ADGRA3: variants seen among roughly 807,000 people sequenced by gnomAD.
ADGRA3 encodes adhesion G protein-coupled receptor A3.
Under a neutral mutation model 119.8 loss-of-function variants are expected in ADGRA3, and 56 were observed. That is an observed-to-expected ratio of 0.47 (90% CI 0.38 to 0.58). ADGRA3 has a LOEUF of 0.58. Ranked by LOEUF, ADGRA3 falls within the 20% of genes least tolerant of loss-of-function variation. The probability of loss-of-function intolerance (pLI) is 0.00; values close to 1 mark genes in which losing one functional copy is unlikely to be tolerated. For missense variants in ADGRA3, 1,516 were observed against 1,649.0 expected, an observed-to-expected ratio of 0.92 and a Z score of 1.40; for synonymous variants, 607 against 623.8, an observed-to-expected ratio of 0.97 and a Z score of 0.40.
At chr4:22,479,490 G>A (rs1326700875) in intron 1 of ADGRA3, among the ~76,000 whole-genome samples, 2 of 151,570 alleles carry the variant, frequency 1.3e-5, no homozygotes, top group Non-Finnish European at 2.9e-5. Context: ...AAGAAGTCAG[G>A]AAACAACAGA....
chr4:22,484,677 T>C (rs1004920015), intron 1 of ADGRA3, among the ~76,000 whole-genome samples: 1 of 151,314 alleles, frequency 6.6e-6, no homozygotes, highest in East Asian at 1.9e-4. Flanking sequence ...GGTTAAGTGA[T>C]TCAGCATGAG....
At chr4:22,501,574 G>A (rs1281599432) in intron 1 of ADGRA3, among the ~76,000 whole-genome samples, 1 of 152,178 alleles carries the variant, frequency 6.6e-6, no homozygotes, top group Non-Finnish European at 1.5e-5. Context: ...GAGGGAGCCT[G>A]TTATTCATTG....
In ADGRA3 at chr4:22,461,751, T is replaced by C; in HGVS notation, c.387A>G (p.Ser129=). ...CAAACACTTACAATCTTTTTAGAGA[T>C]GACAGTCCCCAGAAGGCACCTGGAT... ...SIDPGAFWGL[S]SLKRLDLTNN... is the part of the protein sequence containing the mutation. Residue 129 remains serine (S), a synonymous_variant, in exon 3 of 19, where the codon TCA becomes TCG. Coordinates refer to ENST00000334304, the MANE Select transcript of ADGRA3 (RefSeq NM_145290.4). 1 of 1,605,662 alleles carries C rather than the reference T, an allele frequency of 6.2e-7. No homozygotes were observed. The highest frequency in any genetic ancestry group is 1.3e-5 in the African/African-American group (1 of 74,794).
intron 1 of ADGRA3, among the ~76,000 whole-genome samples, chr4:22,494,260 C>A (rs765438240): frequency 6.6e-6 from 1 of 151,632 alleles, no homozygotes; most frequent in Non-Finnish European, 1.5e-5. Flanking sequence ...TACACTCCCA[C>A]CAGCGCCATG....
At chr4:22,500,420 T>C (rs948362163) in intron 1 of ADGRA3, among the ~76,000 whole-genome samples, 5 of 152,046 alleles carry the variant, frequency 3.3e-5, no homozygotes, top group Admixed American at 3.3e-4. Context: ...GGGGAGCATT[T>C]GGCACAGCAC....
intron 8 of ADGRA3, among the ~76,000 whole-genome samples, chr4:22,437,152 A>C (rs1022337354): frequency 6.6e-6 from 1 of 152,224 alleles, no homozygotes. Context: ...TGAATGTAAC[A>C]AAATTACCAA....
chr4:22,483,812 G>A (rs1043714796), intron 1 of ADGRA3, among the ~76,000 whole-genome samples: 32 of 152,140 alleles, frequency 2.1e-4, no homozygotes, highest in African/African-American at 7.2e-4. Flanking sequence ...TGCTACGACA[G>A]TCAGCATAAT....
rs1183905881 is a variant in ADGRA3 at position 22,388,336 on chromosome 4, C to G, written c.3335G>C (p.Gly1112Ala). 6 of 1,613,936 alleles carry G rather than the reference C, an allele frequency of 3.7e-6. No individual in the cohort carries two copies. Among genetic ancestry groups the G allele is most frequent in the African/African-American group, 1.3e-5 (1 of 74,890 alleles). ...SASSFKNSSQ[G>A]CKLTNLQAAA... ...CGCCTGCAAGTTTGTTAATTTGCAG[C>G]CCTGGGAGGAATTTTTGAAGCTTGA... The change falls in exon 19 of 19, where the codon GGC becomes GCC. Residue 1112 changes from glycine to alanine, a missense_variant. Coordinates refer to ENST00000334304, the MANE Select transcript of ADGRA3 (RefSeq NM_145290.4).
intron 1 of ADGRA3, among the ~76,000 whole-genome samples, chr4:22,476,105 A>G (rs1006844559): frequency 6.6e-6 from 1 of 152,310 alleles, no homozygotes; most frequent in South Asian, 2.1e-4. Context: ...AAACATTCCG[A>G]TTAAAATACA....
At chr4:22,492,659 G>A (rs1040361110) in intron 1 of ADGRA3, among the ~76,000 whole-genome samples, 2 of 152,206 alleles carry the variant, frequency 1.3e-5, no homozygotes, top group African/African-American at 4.8e-5. Context: ...TGGAGGTGTA[G>A]CTGGGTGGAT....
At chr4:22,512,416 T>A (rs1478555059) in intron 1 of ADGRA3, among the ~76,000 whole-genome samples, 1 of 152,166 alleles carries the variant, frequency 6.6e-6, no homozygotes. Flanking sequence ...ATGTTTTTAT[T>A]TGTATTCTGT....
chr4:22,449,316 C>A, intron 4 of ADGRA3, among the ~76,000 whole-genome samples: 1 of 151,306 alleles, frequency 6.6e-6, no homozygotes, highest in Non-Finnish European at 1.5e-5. Context: ...GATGCAATTA[C>A]AATCAACAAC....
At chr4:22,503,846 A>T (rs977396598) in intron 1 of ADGRA3, among the ~76,000 whole-genome samples, 2 of 152,182 alleles carry the variant, frequency 1.3e-5, no homozygotes, top group African/African-American at 4.8e-5. Context: ...GAGCTTAGAC[A>T]ACTTAAGGGA....
chr4:22,478,998 A>C (rs565347098), intron 1 of ADGRA3, among the ~76,000 whole-genome samples: 1 of 152,318 alleles, frequency 6.6e-6, no homozygotes, highest in South Asian at 2.1e-4. Flanking sequence ...CAAAGGACTA[A>C]TTTTCTAAAC....
chr4:22,410,494 T>C (rs936788745), intron 14 of ADGRA3, among the ~76,000 whole-genome samples: 1 of 152,172 alleles, frequency 6.6e-6, no homozygotes, highest in Non-Finnish European at 1.5e-5. Flanking sequence ...GTCGCATTTT[T>C]TAAAAATTCA....
chr4:22,398,127 T>C (rs1213293584), intron 16 of ADGRA3: 1 of 985,094 alleles, frequency 1.0e-6, no homozygotes, highest in Non-Finnish European at 1.2e-6. Context: ...TTTACAGATG[T>C]GTAGTAACAG....
At chr4:22,438,449 G>A (rs73245201) in intron 7 of ADGRA3, 29 bp from the exon 8 acceptor site, 25,354 of 1,587,448 alleles carry the variant, frequency 0.016, 263 homozygotes, top group Middle Eastern at 0.043. Context: ...TAAAAAGAGA[G>A]AAAATATAAT....
intron 9 of ADGRA3, among the ~76,000 whole-genome samples, chr4:22,436,161 G>A (rs947336216): frequency 1.3e-5 from 2 of 151,914 alleles, no homozygotes; most frequent in Non-Finnish European, 1.5e-5. Context: ...ATGTGAACTC[G>A]AAGGATGGTT....
chr4:22,501,338 G>A (rs988473686), intron 1 of ADGRA3, among the ~76,000 whole-genome samples: 1 of 119,668 alleles, frequency 8.4e-6, no homozygotes, highest in Non-Finnish European at 2.0e-5. Context: ...TCTTGAAGGA[G>A]AACAATGAGA....
Sources: allele counts gnomAD v4.1 joint callset (sites outside exome capture counted in the v4.1 genomes callset), GRCh38; gene constraint gnomAD v4.1.1; transcripts MANE v1.5; gene names NCBI Gene and HGNC (gene_info 2026-07-23, HGNC 2026-07-21).